The following ZCCHC14 variants were observed in gnomAD, a reference collection of about 807,000 sequenced individuals.
ZCCHC14 encodes the protein zinc finger CCHC-type containing 14.
In ZCCHC14, 16 loss-of-function variants were observed where a neutral mutation model predicts 85.0. The ratio of observed to expected loss-of-function variants is 0.19; its 90% confidence interval spans 0.13 to 0.29. The LOEUF is 0.29. Ranked by LOEUF, ZCCHC14 falls within the 10% of genes least tolerant of loss-of-function variation. The pLI is 1.00. For missense variants in ZCCHC14, 1,303 were observed against 1,443.5 expected, an observed-to-expected ratio of 0.90 and a Z score of 1.58; for synonymous variants, 775 against 630.7, an observed-to-expected ratio of 1.23 and a Z score of -3.43.
intron 3 of ZCCHC14, among the ~76,000 whole-genome samples, chr16:87,430,724 G>T (rs1197249366): frequency 6.6e-6 from 1 of 151,924 alleles, no homozygotes; most frequent in East Asian, 2.0e-4. Flanking sequence ...GTTTCACCAT[G>T]TTGGCTAGGC....
At chr16:87,459,062 A>G (rs1393228650) in intron 2 of ZCCHC14, among the ~76,000 whole-genome samples, 2 of 152,222 alleles carry the variant, frequency 1.3e-5, no homozygotes, top group South Asian at 2.1e-4. Flanking sequence ...AGCTGATCAT[A>G]ACACGGCAGA....
In ZCCHC14 at chr16:87,412,926, G is replaced by C. The variant is rs775579281; in HGVS notation, c.1795C>G (p.Leu599Val). Residue 599 changes from leucine to valine, a missense_variant, in exon 12 of 13, where the codon CTG (leucine) becomes GTG (valine). Leu to Val is a conservative substitution (Grantham distance 32, BLOSUM62 1). Around this residue, in one of 7 missense-constraint regions of ZCCHC14, gnomAD observed 797 missense variants for 730.8 expected, o/e 1.09. Transcript: ENST00000671377. Reference protein sequence around the residue: ...SSDKEKPVMLLNHFTSSSARP... With the variant: ...SSDKEKPVMLVNHFTSSSARP... ...GCGGAACTGGAAGTGAAGTGATTCA[G>C]CAGCATCACCGGCTTCTCCTTGTCA... 3 of 1,602,014 alleles carry C rather than the reference G, an allele frequency of 1.9e-6. No homozygotes were observed. The highest frequency in any genetic ancestry group is 2.6e-6 in the Non-Finnish European group (3 of 1,173,290).
Position 87,421,285 on chromosome 16 carries a change from C to T in ZCCHC14, c.841-569G>A, listed in dbSNP as rs200623982. Among the ~76,000 whole-genome samples, 8 of 152,292 alleles carry T rather than the reference C, an allele frequency of 5.3e-5. No individual in the cohort carries two copies. The East Asian group carries it at 1.4e-3, about 26-fold the overall frequency. ...TGGATCTGAGGAAAAGCCCTTAAGACGTTGCAGGAGGGACAAAAATTGCTC... is the reference window on the plus strand; with the variant it reads ...TGGATCTGAGGAAAAGCCCTTAAGATGTTGCAGGAGGGACAAAAATTGCTC... On this transcript the variant is annotated intron_variant, in intron 4 of 12. Transcript: ENST00000671377.
chr16:87,460,099 A>G lies in ZCCHC14; in HGVS notation c.603T>C (p.Ser201=). ...GGGCATTCTCCAAACTATTACTGAC[A>G]CTGCTGACAGGGGCCTCAGTTCTTG... ...ITPRTEAPVS[S]VSNSLENALH... is the part of the protein sequence containing the mutation. Residue 201 remains serine, a synonymous_variant, in exon 2 of 13, where the codon AGT becomes AGC. Coordinates refer to ENST00000671377, the MANE Select transcript of ZCCHC14 (RefSeq NM_015144.3). 1 of 1,614,060 alleles carries G rather than the reference A, an allele frequency of 6.2e-7. No homozygotes were observed. Among genetic ancestry groups the G allele is most frequent in the Non-Finnish European group, 8.5e-7 (1 of 1,179,978 alleles).
intron 2 of ZCCHC14, among the ~76,000 whole-genome samples, chr16:87,453,551 G>A (rs1029738261): frequency 1.3e-5 from 2 of 152,208 alleles, no homozygotes; most frequent in Admixed American, 6.5e-5. Flanking sequence ...GCACGTGCCC[G>A]CCACACACCT....
In ZCCHC14 at chr16:87,408,151, T is replaced by C. The variant is rs1417514578; in HGVS notation, c.*2129A>G. 6.6e-6 allele frequency: 1 copy of C among 152,658 alleles called. No individual in the cohort carries two copies. Among genetic ancestry groups the C allele is most frequent in the African/African-American group, 2.4e-5 (1 of 41,468 alleles). The allele number at this position is 152,658 out of a possible 1,614,324, so 9.5% of individuals were successfully genotyped here. A position where few individuals can be genotyped will look rare whatever the true frequency, so the allele number is the denominator to read the frequency against. ...TTTTGCTGGATTTAAGGTTAACCTC[T>C]AATACTTATCAAAATAGTTACGTGG... On this transcript the variant is annotated 3_prime_UTR_variant, in exon 13 of 13. Transcript: ENST00000671377.
At chr16:87,490,842 A>C (rs1320258128) in intron 1 of ZCCHC14, among the ~76,000 whole-genome samples, 3 of 152,198 alleles carry the variant, frequency 2.0e-5, no homozygotes, top group Non-Finnish European at 4.4e-5. Flanking sequence ...CATGCGACAC[A>C]CGCGTACATC....
intron 4 of ZCCHC14, among the ~76,000 whole-genome samples, chr16:87,422,661 G>A (rs779060167): frequency 5.3e-5 from 8 of 152,098 alleles, no homozygotes; most frequent in Non-Finnish European, 7.4e-5. Flanking sequence ...GCTTGAAGCC[G>A]GGAGGTGGAG....
At chr16:87,459,032 G>A (rs1003601262) in intron 2 of ZCCHC14, among the ~76,000 whole-genome samples, 8 of 152,130 alleles carry the variant, frequency 5.3e-5, no homozygotes, top group Admixed American at 2.6e-4. Flanking sequence ...CCACTACTAT[G>A]GCATGGTTAC....
rs770208583 is a variant in ZCCHC14 at position 87,420,701 on chromosome 16, G to C, written c.856C>G (p.Pro286Ala). ...ATGAGTTTCTCCAAGTTCTCTTCAG[G>C]ATAGAGCTGACATAGCTGGAAGAGA... is the stretch of plus-strand genomic sequence containing the variant. ...EFISKLCQLY[P>A]EENLEKLIPC... Residue 286 changes from proline to alanine, a missense_variant, in exon 5 of 13, where the codon CCT becomes GCT. Physicochemically the swap from Pro to Ala is conservative, Grantham distance 27 (BLOSUM62 -1). Transcript: ENST00000671377. The surrounding 1 kb of genome is among the most constrained non-coding windows in gnomAD (Gnocchi z 5.0). 10 of 1,613,164 alleles carry C rather than the reference G, an allele frequency of 6.2e-6. No homozygotes were observed. Among genetic ancestry groups the C allele is most frequent in the South Asian group, 1.1e-5 (1 of 90,774 alleles).
At chr16:87,470,045 G>A (rs1338486900) in intron 1 of ZCCHC14, among the ~76,000 whole-genome samples, 1 of 152,118 alleles carries the variant, frequency 6.6e-6, no homozygotes, top group East Asian at 1.9e-4. Context: ...TTCAAAACCA[G>A]CCTGGGGCCA....
At chr16:87,437,577 G>C (rs2150741618) in intron 2 of ZCCHC14, among the ~76,000 whole-genome samples, 1 of 152,318 alleles carries the variant, frequency 6.6e-6, no homozygotes, top group East Asian at 1.9e-4. Flanking sequence ...GCCTGTGTGG[G>C]GACAAACACG....
intron 2 of ZCCHC14, among the ~76,000 whole-genome samples, chr16:87,450,443 ATATAATT>A (rs1910641913): frequency 6.6e-6 from 1 of 152,154 alleles, no homozygotes; most frequent in Admixed American, 6.5e-5. Flanking sequence ...TAAGAACATG[ATATAATT>A]TATTTTTCTT....
chr16:87,478,751 C>T (rs1340382124), intron 1 of ZCCHC14, among the ~76,000 whole-genome samples: 3 of 152,018 alleles, frequency 2.0e-5, no homozygotes, highest in African/African-American at 7.2e-5. Flanking sequence ...GGATAACAGG[C>T]GCCCGCCACC....
At chr16:87,474,624 C>T (rs76830332) in intron 1 of ZCCHC14, among the ~76,000 whole-genome samples, 2,542 of 152,240 alleles carry the variant, frequency 0.017, 27 homozygotes, top group Middle Eastern at 0.048. Flanking sequence ...GAGCACTGCA[C>T]GGGTTTCTTG....
rs1407266993 is a variant in ZCCHC14 at position 87,491,732 on chromosome 16, GC to G, written c.506del (p.Gly169AlafsTer58). 1 of 1,567,916 alleles carries G rather than the reference GC, an allele frequency of 6.4e-7. No individual in the cohort carries two copies. The highest frequency in any genetic ancestry group is 8.6e-7 in the Non-Finnish European group (1 of 1,162,474). On this transcript the variant is annotated frameshift_variant, in exon 1 of 13. Coordinates refer to ENST00000671377, the MANE Select transcript of ZCCHC14 (RefSeq NM_015144.3). LOFTEE classifies it high-confidence loss of function. The surrounding 1 kb of genome is among the most constrained non-coding windows in gnomAD (Gnocchi z 5.9). The stretch of plus-strand genomic sequence containing the variant: ...GCCCGGGCGCGCCCTTGCCGCCGTG[GC>G]CCCCGCCGCCGTTCAGGCTGCTCTG... ...QIQSSLNGGG[G>X]HGGKGAPGPG...
rs980566886 is a variant in ZCCHC14, at chr16:87,492,908, GCGGCGGCGGCGGCGA to G, written c.-685_-671del. Among the ~76,000 whole-genome samples the G allele has an allele frequency of 6.4e-5, 9 of 141,296 alleles. No individual in the cohort carries two copies. The highest frequency in any genetic ancestry group is 2.3e-4 in the East Asian group (1 of 4,384). The allele number at this position is 141,296 out of a possible 152,430, so 92.7% of individuals were successfully genotyped here. On this transcript the variant is annotated 5_prime_UTR_variant, in exon 1 of 13. Transcript: ENST00000671377. The surrounding 1 kb of genome is among the most constrained non-coding windows in gnomAD (Gnocchi z 6.7). ...GCGGCGGACGGATCCGGGCCCGAGC[GCGGCGGCGGCGGCGA>G]CGGCGACGGCGACGGCGACGGCGAC... is the stretch of plus-strand genomic sequence containing the variant.
At chr16:87,410,909 C>T (rs191397205) in intron 12 of ZCCHC14, among the ~76,000 whole-genome samples, 1 of 152,342 alleles carries the variant, frequency 6.6e-6, no homozygotes, top group Non-Finnish European at 1.5e-5. Context: ...CAAGGTGGCA[C>T]CATGAGTTGT....
intron 1 of ZCCHC14, among the ~76,000 whole-genome samples, chr16:87,465,149 CCT>C (rs1207523857): frequency 6.6e-6 from 1 of 152,242 alleles, no homozygotes; most frequent in Non-Finnish European, 1.5e-5. Context: ...TGGAAGCGCC[CCT>C]GTGCCTTCCC....
Sources: allele counts gnomAD v4.1 joint callset (sites outside exome capture counted in the v4.1 genomes callset), GRCh38; gene constraint gnomAD v4.1.1; regional missense constraint gnomAD v4.1.1; non-coding constraint Gnocchi (gnomAD v3.1); transcripts MANE v1.5; gene names NCBI Gene and HGNC (gene_info 2026-07-23, HGNC 2026-07-21).